Variants in PIP5K1B observed in about 807,000 individuals in gnomAD.
PIP5K1B encodes phosphatidylinositol 4-phosphate 5-kinase type-1 beta.
PIP5K1B carries 42 observed loss-of-function variants against 67.0 expected under a neutral mutation model. That is an observed-to-expected ratio of 0.63 (90% CI 0.49 to 0.81). The LOEUF (loss-of-function observed/expected upper bound fraction) is 0.81, where lower values mean the gene tolerates loss of function less well. PIP5K1B is among the 30% of genes least tolerant of loss of function. The pLI is 0.00. For synonymous variants in PIP5K1B, 214 were observed against 231.4 expected (o/e 0.92, Z 0.68); for missense variants, 459 against 646.3 (o/e 0.71, Z 3.14).
chr9:68,724,226 GT>G (rs931802319), intron 1 of PIP5K1B, among the ~76,000 whole-genome samples: 34 of 114,528 alleles, frequency 3.0e-4, no homozygotes, highest in African/African-American at 1.1e-3. Flanking sequence ...ATGTGTCTGT[GT>G]TTTTTTTGGG....
intron 12 of PIP5K1B, among the ~76,000 whole-genome samples, chr9:68,934,152 C>T (rs1050164686): frequency 8.5e-5 from 13 of 152,176 alleles, no homozygotes. Flanking sequence ...GCCTTGCTGC[C>T]GCTTAAGCAG....
chr9:68,916,388 C>A (rs1277068223), intron 8 of PIP5K1B, among the ~76,000 whole-genome samples: 2 of 152,156 alleles, frequency 1.3e-5, no homozygotes, highest in African/African-American at 4.8e-5. Flanking sequence ...AGACTCGGAC[C>A]CAGACCTTTG....
intron 4 of PIP5K1B, among the ~76,000 whole-genome samples, chr9:68,844,869 T>C (rs1157401636): frequency 6.6e-6 from 1 of 152,114 alleles, no homozygotes; most frequent in African/African-American, 2.4e-5. Context: ...AGTATCGGTC[T>C]CTAAGAGTTG....
chr9:69,007,628 T>A (rs138455631), intron 15 of PIP5K1B, among the ~76,000 whole-genome samples: 5 of 152,198 alleles, frequency 3.3e-5, no homozygotes, highest in Non-Finnish European at 7.4e-5. Context: ...GAGGCCAAGG[T>A]GGGCGGATCA....
chr9:68,788,724 G>T, intron 2 of PIP5K1B: 2 of 263,588 alleles, frequency 7.6e-6, no homozygotes, highest in Non-Finnish European at 7.8e-6. Context: ...GACCCCTTTG[G>T]GCATCTGGCT....
chr9:68,941,088 T>C, intron 14 of PIP5K1B: 2 of 498,756 alleles, frequency 4.0e-6, no homozygotes, highest in Non-Finnish European at 7.9e-6. Context: ...TAGGAATGGG[T>C]TTCTTCAGAG....
chr9:68,778,119 C>T (rs1243371751), intron 2 of PIP5K1B, among the ~76,000 whole-genome samples: 1 of 152,070 alleles, frequency 6.6e-6, no homozygotes, highest in Non-Finnish European at 1.5e-5. Context: ...TCTCTTTAAT[C>T]CATGTGAAAT....
chr9:68,785,231 T>C (rs1831543526), intron 2 of PIP5K1B, among the ~76,000 whole-genome samples: 1 of 152,106 alleles, frequency 6.6e-6, no homozygotes, highest in Non-Finnish European at 1.5e-5. Flanking sequence ...GGCTGAGGCA[T>C]TGAGGATAAG....
At chr9:68,998,117 C>CA (rs1263526800) in intron 15 of PIP5K1B, among the ~76,000 whole-genome samples, 2 of 149,666 alleles carry the variant, frequency 1.3e-5, no homozygotes, top group Non-Finnish European at 3.0e-5. Context: ...GTTGCCCAGG[C>CA]AGAAGTGCAG....
intron 7 of PIP5K1B, among the ~76,000 whole-genome samples, chr9:68,890,351 T>C (rs1052661600): frequency 1.3e-4 from 20 of 152,246 alleles, no homozygotes; most frequent in Non-Finnish European, 2.8e-4. Flanking sequence ...CCAGTTTCAT[T>C]GTACTTTGAT....
chr9:68,741,725 C>T (rs1486425333), intron 1 of PIP5K1B: 3 of 152,222 alleles, frequency 2.0e-5, no homozygotes, highest in Admixed American at 1.3e-4. Context: ...TTCTCTGCCT[C>T]CCTTCTCCAC....
intron 12 of PIP5K1B, among the ~76,000 whole-genome samples, chr9:68,929,200 T>C (rs955535025): frequency 1.3e-4 from 19 of 151,324 alleles, no homozygotes; most frequent in African/African-American, 4.1e-4. Flanking sequence ...AGGTGACTGC[T>C]GTATCCCCAG....
chr9:68,810,494 G>C (rs751503104), intron 2 of PIP5K1B, among the ~76,000 whole-genome samples: 2 of 152,174 alleles, frequency 1.3e-5, no homozygotes, highest in Non-Finnish European at 2.9e-5. Context: ...AGATGAGTAA[G>C]GACTCGTGGC....
intron 15 of PIP5K1B, among the ~76,000 whole-genome samples, chr9:69,002,360 G>T (rs113569859): frequency 1.3e-5 from 2 of 152,254 alleles, no homozygotes; most frequent in Admixed American, 6.5e-5. Flanking sequence ...GGATCTGAGC[G>T]TGCCTAAGTT....
chr9:68,943,374 G>A (rs185673896), intron 14 of PIP5K1B, among the ~76,000 whole-genome samples: 2 of 152,002 alleles, frequency 1.3e-5, no homozygotes, highest in African/African-American at 4.8e-5. Context: ...AGGAAAAGAG[G>A]CATGAAGGTG....
intron 2 of PIP5K1B, among the ~76,000 whole-genome samples, chr9:68,810,399 T>G (rs758194473): frequency 6.6e-6 from 1 of 151,238 alleles, no homozygotes; most frequent in African/African-American, 2.4e-5. Flanking sequence ...AACCCAGGCC[T>G]TCGGAGGCCT....
At chr9:68,784,988 T>C (rs765546565) in intron 2 of PIP5K1B, among the ~76,000 whole-genome samples, 1 of 152,136 alleles carries the variant, frequency 6.6e-6, no homozygotes, top group Non-Finnish European at 1.5e-5. Flanking sequence ...AGGAGATCAT[T>C]TGGAAGCTTG....
intron 14 of PIP5K1B, 35 bp downstream of exon 14, chr9:68,940,825 T>C: frequency 6.3e-7 from 1 of 1,596,916 alleles, no homozygotes; most frequent in Non-Finnish European, 8.6e-7. Context: ...CCCATCAGGC[T>C]GTTACCACAT....
chr9:68,998,490 A>G (rs911650842), intron 15 of PIP5K1B, among the ~76,000 whole-genome samples: 2 of 151,904 alleles, frequency 1.3e-5, no homozygotes, highest in African/African-American at 4.8e-5. Context: ...TTATCCCTCT[A>G]GACTCTTCCT....
Sources: gnomAD v4.1 joint callset for allele counts (sites outside exome capture counted in the v4.1 genomes callset) on GRCh38, gnomAD v4.1.1 for gene constraint, MANE v1.5 for transcripts, NCBI Gene and HGNC (gene_info 2026-07-23, HGNC 2026-07-21) for gene names.